ADGRL2: variants seen among roughly 807,000 people sequenced by gnomAD.
The protein encoded by ADGRL2 is calcium-independent alpha-latrotoxin receptor 2.
A neutral mutation model predicts 157.4 loss-of-function variants in ADGRL2; 44 were observed. The observed-to-expected ratio is 0.28, with a 90% CI of 0.22 to 0.36. The LOEUF is 0.36. Ranked by LOEUF, ADGRL2 falls within the 10% of genes least tolerant of loss-of-function variation. The pLI is 1.00. For synonymous variants in ADGRL2, 585 were observed against 624.7 expected, an observed-to-expected ratio of 0.94 and a Z score of 0.95; for missense variants, 1,510 against 1,768.9, an observed-to-expected ratio of 0.85 and a Z score of 2.63.
At chr1:81,675,155 G>C (rs2082959846) in intron 3 of ADGRL2, among the ~76,000 whole-genome samples, 1 of 152,102 alleles carries the variant, frequency 6.6e-6, no homozygotes, top group South Asian at 2.1e-4. Context: ...AAATTAGGTG[G>C]TCTCAACACA....
chr1:81,745,218 T>G (rs1164355826), intron 1 of ADGRL2, among the ~76,000 whole-genome samples: 2 of 152,178 alleles, frequency 1.3e-5, no homozygotes, highest in African/African-American at 4.8e-5. Context: ...CAAAAATAGT[T>G]TAACTTTTTT....
At chr1:81,962,453 C>T (rs980893977) in intron 11 of ADGRL2, among the ~76,000 whole-genome samples, 1 of 151,948 alleles carries the variant, frequency 6.6e-6, no homozygotes, top group African/African-American at 2.4e-5. Flanking sequence ...CTCTTTTTAT[C>T]TTTTTAAAAG....
At chr1:81,714,971 A>T (rs551454531) in intron 1 of ADGRL2, among the ~76,000 whole-genome samples, 8 of 151,526 alleles carry the variant, frequency 5.3e-5, no homozygotes, top group African/African-American at 1.9e-4. Flanking sequence ...TTTTTCTTTG[A>T]TGCAAGAGTT....
intron 1 of ADGRL2, among the ~76,000 whole-genome samples, chr1:81,371,577 A>G (rs766331957): frequency 1.3e-5 from 2 of 152,368 alleles, no homozygotes; most frequent in South Asian, 2.1e-4. Context: ...ATAATTAATC[A>G]TTTATCTTCC....
intron 2 of ADGRL2, among the ~76,000 whole-genome samples, chr1:81,492,975 A>G (rs766758534): frequency 6.6e-6 from 1 of 152,224 alleles, no homozygotes; most frequent in Non-Finnish European, 1.5e-5. Context: ...AATGTGTAAT[A>G]TGTATTTTTA....
chr1:81,329,225 AG>A (rs1423333184), intron 1 of ADGRL2, among the ~76,000 whole-genome samples: 1 of 152,104 alleles, frequency 6.6e-6, no homozygotes, highest in Non-Finnish European at 1.5e-5. Flanking sequence ...AACAATAGGA[AG>A]GGCAAGGGAG....
intron 2 of ADGRL2, among the ~76,000 whole-genome samples, chr1:81,841,424 A>G (rs2092574326): frequency 6.6e-6 from 1 of 152,154 alleles, no homozygotes; most frequent in Non-Finnish European, 1.5e-5. Flanking sequence ...TTTGGGTAGA[A>G]GAAAAAAAGG....
chr1:81,476,936 T>A (rs1319169374), intron 2 of ADGRL2, among the ~76,000 whole-genome samples: 1 of 152,170 alleles, frequency 6.6e-6, no homozygotes, highest in Non-Finnish European at 1.5e-5. Flanking sequence ...ACCTGCCTAG[T>A]CCAGGTACCC....
intron 2 of ADGRL2, among the ~76,000 whole-genome samples, chr1:81,885,714 G>A (rs904337227): frequency 3.9e-5 from 6 of 152,160 alleles, no homozygotes; most frequent in African/African-American, 1.2e-4. Flanking sequence ...CAGAGGCAAA[G>A]TAGTTACTTT....
chr1:81,309,416 C>T (rs981217123), intron 1 of ADGRL2, among the ~76,000 whole-genome samples: 3 of 152,250 alleles, frequency 2.0e-5, no homozygotes, highest in African/African-American at 7.2e-5. Flanking sequence ...GCCAAGGCCA[C>T]ACAGTTGGGA....
chr1:81,423,512 G>A (rs1219227642), intron 1 of ADGRL2, among the ~76,000 whole-genome samples: 1 of 152,166 alleles, frequency 6.6e-6, no homozygotes, highest in Non-Finnish European at 1.5e-5. Context: ...GTGTAACTGA[G>A]AGGAAGAAAA....
intron 2 of ADGRL2, among the ~76,000 whole-genome samples, chr1:81,510,260 T>A (rs1570330233): frequency 6.6e-6 from 1 of 152,264 alleles, no homozygotes; most frequent in Non-Finnish European, 1.5e-5. Flanking sequence ...AATAATAATA[T>A]TTATCAGGTG....
At chr1:81,574,885 T>C (rs1173100963) in intron 2 of ADGRL2, among the ~76,000 whole-genome samples, 1 of 152,234 alleles carries the variant, frequency 6.6e-6, no homozygotes, top group Non-Finnish European at 1.5e-5. Context: ...CATTATATAC[T>C]TTTGTCATTA....
chr1:81,898,880 A>G (rs1253653491), intron 2 of ADGRL2, among the ~76,000 whole-genome samples: 2 of 152,174 alleles, frequency 1.3e-5, no homozygotes, highest in African/African-American at 2.4e-5. Context: ...TTTTGCTAAC[A>G]TATATAAACA....
At chr1:81,632,363 G>A (rs2082026341) in intron 3 of ADGRL2, among the ~76,000 whole-genome samples, 2 of 152,156 alleles carry the variant, frequency 1.3e-5, no homozygotes, top group Non-Finnish European at 2.9e-5. Flanking sequence ...ACCAAAATGA[G>A]GGTAGGGAGA....
At chr1:81,402,541 A>G (rs1034402796) in intron 1 of ADGRL2, among the ~76,000 whole-genome samples, 1 of 152,158 alleles carries the variant, frequency 6.6e-6, no homozygotes, top group African/African-American at 2.4e-5. Context: ...TTTTAATAAG[A>G]TTTCAGAAAG....
intron 1 of ADGRL2, among the ~76,000 whole-genome samples, chr1:81,734,338 G>T (rs2084825695): frequency 6.6e-6 from 1 of 151,374 alleles, no homozygotes; most frequent in African/African-American, 2.4e-5. Context: ...TATAATGAAA[G>T]AAAAGAAAGA....
intron 1 of ADGRL2, among the ~76,000 whole-genome samples, chr1:81,316,517 CA>C (rs1050513108): frequency 3.3e-5 from 5 of 152,138 alleles, no homozygotes; most frequent in African/African-American, 1.2e-4. Flanking sequence ...TTATCATTTT[CA>C]TAGCTTATTC....
intron 1 of ADGRL2, among the ~76,000 whole-genome samples, chr1:81,358,537 T>G (rs533170746): frequency 3.3e-5 from 5 of 152,288 alleles, no homozygotes; most frequent in Non-Finnish European, 2.9e-5. Flanking sequence ...TTTGTGTTCT[T>G]TCATTTCTTC....
Sources: gnomAD v4.1 joint callset for allele counts (sites outside exome capture counted in the v4.1 genomes callset) on GRCh38, gnomAD v4.1.1 for gene constraint, MANE v1.5 for transcripts, NCBI Gene and HGNC (gene_info 2026-07-23, HGNC 2026-07-21) for gene names.